TMEM182: variants seen among roughly 807,000 people sequenced by gnomAD.
TMEM182 encodes transmembrane protein 182.
A neutral mutation model predicts 26.8 loss-of-function variants in TMEM182; 20 were observed. The ratio of observed to expected loss-of-function variants is 0.75; its 90% CI spans 0.53 to 1.09. The LOEUF (loss-of-function observed/expected upper bound fraction) is 1.09. TMEM182 is among the 50% of genes least tolerant of loss of function. The probability of loss-of-function intolerance (pLI) is 0.00; values close to 1 mark genes in which losing one functional copy is unlikely to be tolerated. For synonymous variants in TMEM182, 109 were observed against 102.2 expected, an observed-to-expected ratio of 1.07 and a Z score of -0.40; for missense variants, 277 against 275.5, an observed-to-expected ratio of 1.01 and a Z score of -0.04.
At chr2:102,761,047 G>A (rs983314069), upstream of TMEM182, among the ~76,000 whole-genome samples, 1 of 152,180 alleles carries the variant, frequency 6.6e-6, no homozygotes, top group Non-Finnish European at 1.5e-5. Context: ...AGCTGGTAGA[G>A]TTGAGATGCC....
Position 102,817,321 on chromosome 2 carries a change from C to G in TMEM182, c.*2353C>G, listed in dbSNP as rs997458488. ...TTTTTGAAAAATGTTGATTTTGCAT[C>G]ATAAAGTTTCAATTTATCAAGGATA... On this transcript the variant is annotated 3_prime_UTR_variant, in exon 5 of 5. Coordinates refer to ENST00000412401, the MANE Select transcript of TMEM182 (RefSeq NM_144632.5). 1.5e-5 allele frequency: 15 copies of G among 985,200 alleles called. No homozygotes were observed. In the African/African-American group the frequency reaches 2.6e-4, roughly 17 times the overall value. 61.0% of individuals were successfully genotyped at this position (985,200 alleles called of 1,614,324 possible).
At chr2:102,767,142 T>C (rs1680485243) in intron 3 of TMEM182, among the ~76,000 whole-genome samples, 3 of 152,236 alleles carry the variant, frequency 2.0e-5, no homozygotes, top group Admixed American at 6.5e-5. Context: ...ATTTGTATCT[T>C]AACAAAAGAA....
chr2:102,758,543 T>C (rs948877408), upstream of TMEM182: 1 of 714,904 alleles, frequency 1.4e-6, no homozygotes, highest in South Asian at 1.5e-5. Context: ...TTTGAAAACA[T>C]CTGTACAGGA....
intron 1 of TMEM182, among the ~76,000 whole-genome samples, chr2:102,750,616 A>G (rs1679850578): frequency 6.6e-6 from 1 of 152,184 alleles, no homozygotes; most frequent in Non-Finnish European, 1.5e-5. Flanking sequence ...ACTTGAACAC[A>G]TTTGGAGTCT....
At chr2:102,827,144 C>A (rs1386137816) in intron 3 of TMEM182, among the ~76,000 whole-genome samples, 2 of 152,212 alleles carry the variant, frequency 1.3e-5, no homozygotes, top group Non-Finnish European at 2.9e-5. Context: ...TGTTACAGTG[C>A]AGCATCGCCA....
chr2:102,816,833 C>G lies in TMEM182; in HGVS notation c.*1865C>G, dbSNP rs6752950. On this transcript the variant is annotated 3_prime_UTR_variant, in exon 5 of 5. Coordinates refer to ENST00000412401, the MANE Select transcript of TMEM182 (RefSeq NM_144632.5). ...TTTTTTGTAGTACTTTGGAATGGAGCCTTTTTCTGGTGTACTGTATGCCAT... is the reference window on the plus strand; with the variant it reads ...TTTTTTGTAGTACTTTGGAATGGAGGCTTTTTCTGGTGTACTGTATGCCAT... The G allele has an allele frequency of 9.5e-3, 9,340 of 985,658 alleles. 674 individuals are homozygous for G. The African/African-American group carries it at 0.15, about 16-fold the overall frequency. The allele number at this position is 985,658 out of a possible 1,614,324, so 61.1% of individuals were successfully genotyped here. A position where few individuals can be genotyped will look rare whatever the true frequency, so the allele number is the denominator to read the frequency against.
At chr2:102,782,494 AT>A (rs1258122242) in intron 3 of TMEM182, among the ~76,000 whole-genome samples, 2 of 152,238 alleles carry the variant, frequency 1.3e-5, no homozygotes, top group East Asian at 3.9e-4. Flanking sequence ...TATGGGGCTC[AT>A]ATTTTATGCA....
chr2:102,764,512 A>T, intron 3 of TMEM182, 85 bp downstream of exon 3: 1 of 1,115,008 alleles, frequency 9.0e-7, no homozygotes, highest in South Asian at 1.8e-5. Context: ...GTGAGCAATT[A>T]AAAAAATAAT....
chr2:102,763,076 C>T (rs1018450803), intron 2 of TMEM182, among the ~76,000 whole-genome samples: 9 of 151,882 alleles, frequency 5.9e-5, no homozygotes, highest in African/African-American at 1.9e-4. Flanking sequence ...TGTAAAAATC[C>T]ATAAATAGAG....
At chr2:102,842,492 A>C (rs543442870) in intron 3 of TMEM182, among the ~76,000 whole-genome samples, 2 of 151,948 alleles carry the variant, frequency 1.3e-5, no homozygotes, top group African/African-American at 4.8e-5. Context: ...CTTTCCCCGG[A>C]TCCCAATTCC....
intron 3 of TMEM182, among the ~76,000 whole-genome samples, chr2:102,776,647 A>G (rs946808622): frequency 6.6e-6 from 1 of 152,210 alleles, no homozygotes; most frequent in African/African-American, 2.4e-5. Flanking sequence ...TTTTGTGGAC[A>G]TAAGTTTTCA....
chr2:102,814,007 C>T (rs1476528274), intron 4 of TMEM182, among the ~76,000 whole-genome samples: 2 of 151,424 alleles, frequency 1.3e-5, no homozygotes, highest in African/African-American at 4.9e-5. Context: ...TTATATTACA[C>T]AAAATCTTTT....
intron 3 of TMEM182, among the ~76,000 whole-genome samples, chr2:102,779,402 G>C (rs1249589319): frequency 6.6e-6 from 1 of 152,062 alleles, no homozygotes; most frequent in Non-Finnish European, 1.5e-5. Context: ...TTATTTCCTT[G>C]AATACTTTTT....
At chr2:102,825,722 G>T (rs1241376857) in intron 3 of TMEM182, among the ~76,000 whole-genome samples, 5 of 152,230 alleles carry the variant, frequency 3.3e-5, no homozygotes, top group Non-Finnish European at 7.3e-5. Flanking sequence ...GTCAAGAGAA[G>T]ATTCACAGTG....
chr2:102,828,860 G>A (rs1016706132), intron 3 of TMEM182, among the ~76,000 whole-genome samples: 2 of 152,122 alleles, frequency 1.3e-5, no homozygotes, highest in Non-Finnish European at 2.9e-5. Flanking sequence ...TGAAGGAGTA[G>A]CATCTAAAAA....
chr2:102,792,528 A>G (rs893541683), intron 3 of TMEM182, among the ~76,000 whole-genome samples: 3 of 152,218 alleles, frequency 2.0e-5, no homozygotes, highest in South Asian at 2.1e-4. Flanking sequence ...CATGAACTCT[A>G]TGCAATTCTA....
chr2:102,747,716 G>T (rs940471856), intron 1 of TMEM182, among the ~76,000 whole-genome samples: 3 of 152,222 alleles, frequency 2.0e-5, no homozygotes, highest in African/African-American at 7.2e-5. Flanking sequence ...TGCTAAGTGA[G>T]TCCAGAGGGT....
At chr2:102,738,456 G>A (rs1161823936) in intron 1 of TMEM182, among the ~76,000 whole-genome samples, 4 of 152,082 alleles carry the variant, frequency 2.6e-5, no homozygotes, top group East Asian at 1.9e-4. Context: ...TTAGCTGGGC[G>A]TGGTGGTGCG....
intron 3 of TMEM182, among the ~76,000 whole-genome samples, chr2:102,778,698 A>G (rs879839810): frequency 4.2e-4 from 44 of 103,842 alleles, no homozygotes; most frequent in Non-Finnish European, 7.2e-4. Flanking sequence ...TACATCATAA[A>G]TACATGTTAT....
Sources: gnomAD v4.1 joint callset for allele counts (sites outside exome capture counted in the v4.1 genomes callset) on GRCh38, gnomAD v4.1.1 for gene constraint, MANE v1.5 for transcripts, NCBI Gene and HGNC (gene_info 2026-07-23, HGNC 2026-07-21) for gene names.